PAXIP1: variants seen among roughly 807,000 people sequenced by gnomAD.
PAXIP1 encodes PAX-interacting protein 1.
Under a neutral mutation model 140.6 loss-of-function variants are expected in PAXIP1, and 19 were observed. That is an observed-to-expected ratio of 0.14 (90% CI 0.09 to 0.20). The LOEUF (loss-of-function observed/expected upper bound fraction) is 0.20, where lower values mean the gene tolerates loss of function less well. Among genes scored for constraint, PAXIP1 ranks in the 10% least tolerant of loss-of-function variants. The pLI is 1.00. For missense variants in PAXIP1, 920 were observed against 1,208.6 expected, an observed-to-expected ratio of 0.76 and a Z score of 3.54; for synonymous variants, 442 against 444.6, an observed-to-expected ratio of 0.99 and a Z score of 0.07.
intron 12 of PAXIP1, among the ~76,000 whole-genome samples, 200 bp downstream of exon 12, chr7:154,960,693 A>G (rs900651339): frequency 2.0e-5 from 3 of 151,944 alleles, no homozygotes; most frequent in Non-Finnish European, 4.4e-5. Flanking sequence ...AAACAAAAAC[A>G]AAAACAAAAA....
At chr7:154,955,400 T>A in intron 15 of PAXIP1, 129 bp downstream of exon 15, 1 of 612,910 alleles carries the variant, frequency 1.6e-6, no homozygotes, top group South Asian at 2.0e-5. Context: ...AAATACTTCA[T>A]AAATATGCAC....
chr7:154,964,326 C>G (rs1459563211), intron 8 of PAXIP1: 1 of 152,898 alleles, frequency 6.5e-6, no homozygotes, highest in Non-Finnish European at 1.5e-5. Context: ...CGGGCTGTGA[C>G]AGCTGCACGA....
intron 8 of PAXIP1, 78 bp downstream of exon 8, chr7:154,967,738 C>T (rs1297232713): frequency 2.1e-6 from 2 of 954,892 alleles, no homozygotes; most frequent in East Asian, 5.0e-5. Flanking sequence ...GTGAATGCAG[C>T]TAAGTGAACA....
chr7:154,979,842 A>G (rs1809762307), intron 5 of PAXIP1, among the ~76,000 whole-genome samples: 1 of 152,178 alleles, frequency 6.6e-6, no homozygotes, highest in Non-Finnish European at 1.5e-5. Context: ...AGAAGGGTGC[A>G]TGGCCTACCA....
chr7:154,960,153 T>C (rs1348823403), intron 12 of PAXIP1, among the ~76,000 whole-genome samples: 1 of 152,236 alleles, frequency 6.6e-6, no homozygotes, highest in Non-Finnish European at 1.5e-5. Context: ...CTGGATGAAG[T>C]AGCACTAAGA....
At chr7:154,988,704 A>T (rs1392217389) in intron 4 of PAXIP1, among the ~76,000 whole-genome samples, 1 of 152,186 alleles carries the variant, frequency 6.6e-6, no homozygotes, top group Non-Finnish European at 1.5e-5. Context: ...TCCCTGTCCC[A>T]AACTCAGCGT....
At chr7:154,960,662 C>T (rs898130031) in intron 12 of PAXIP1, among the ~76,000 whole-genome samples, 3 of 151,944 alleles carry the variant, frequency 2.0e-5, no homozygotes, top group Admixed American at 1.3e-4. Flanking sequence ...GGTGACAAAG[C>T]GAGACCCTGT....
chr7:154,985,622 A>G lies in PAXIP1; in HGVS notation c.325-2290T>C, dbSNP rs149177771. Among the ~76,000 whole-genome samples, 194 of 152,262 alleles carry G rather than the reference A, an allele frequency of 1.3e-3. 1 individual carries two copies. Among genetic ancestry groups the G allele is most frequent in the African/African-American group, 4.5e-3 (186 of 41,536 alleles). ...CTTGCTTATCTGTCCTCCCAGCTAT[A>G]CTCCAAAGCAACCAGGAGCAGAGGA... On this transcript the variant is annotated intron_variant, in intron 4 of 20. Transcript: ENST00000404141.
rs1808431836 is a variant in PAXIP1 at position 154,954,747 on chromosome 7, A to T, written c.2653-324T>A. 6.6e-6 allele frequency among the ~76,000 whole-genome samples: 1 copy of T among 152,240 alleles called. No homozygotes were observed. Among genetic ancestry groups the T allele is most frequent in the African/African-American group, 2.4e-5 (1 of 41,468 alleles). On this transcript the variant is annotated intron_variant, in intron 15 of 20. Transcript: ENST00000404141. The surrounding 1 kb of genome is among the most constrained non-coding windows in gnomAD (Gnocchi z 5.1). ...TGCAGCTCACTTCACAATGAAGAGT[A>T]AACAGCCAAGACTTCCTAGGCCAAA... is the stretch of plus-strand genomic sequence containing the variant.
At chr7:154,972,553 C>A (rs544870947) in intron 6 of PAXIP1, among the ~76,000 whole-genome samples, 1 of 152,300 alleles carries the variant, frequency 6.6e-6, no homozygotes, top group East Asian at 1.9e-4. Context: ...CTGACCAACA[C>A]TTTTTGACAC....
At chr7:154,994,237 T>C (rs1339196375) in intron 2 of PAXIP1, among the ~76,000 whole-genome samples, 1 of 152,252 alleles carries the variant, frequency 6.6e-6, no homozygotes, top group Non-Finnish European at 1.5e-5. Context: ...AATATTTTTA[T>C]AAATTCTAAA....
At chr7:154,965,552 G>A (rs1277244016) in intron 8 of PAXIP1, 2 of 152,312 alleles carry the variant, frequency 1.3e-5, no homozygotes, top group Non-Finnish European at 2.9e-5. Context: ...AGTAAGACCA[G>A]CCCCTCCTGT....
intron 5 of PAXIP1, among the ~76,000 whole-genome samples, chr7:154,980,353 C>T (rs1051734795): frequency 2.0e-4 from 30 of 151,650 alleles, no homozygotes; most frequent in Non-Finnish European, 3.5e-4. Context: ...CTTTTTTTCG[C>T]AGCCGCTATA....
chr7:154,994,761 T>C (rs1228964582), intron 2 of PAXIP1, among the ~76,000 whole-genome samples: 1 of 152,214 alleles, frequency 6.6e-6, no homozygotes, highest in Non-Finnish European at 1.5e-5. Flanking sequence ...ATTAAACATT[T>C]TATAAAATAA....
At chr7:154,975,461 T>C (rs1346004033) in intron 6 of PAXIP1, among the ~76,000 whole-genome samples, 1 of 152,186 alleles carries the variant, frequency 6.6e-6, no homozygotes, top group African/African-American at 2.4e-5. Flanking sequence ...CTGCTTTAAA[T>C]CTTCAACTTA....
At chr7:154,972,214 C>T (rs1249480655) in intron 6 of PAXIP1, among the ~76,000 whole-genome samples, 1 of 152,192 alleles carries the variant, frequency 6.6e-6, no homozygotes, top group Non-Finnish European at 1.5e-5. Flanking sequence ...AGGCCAGGCA[C>T]GGTGGCTCAC....
rs527976514 is a variant in PAXIP1, at chr7:155,002,818, G to A, written c.81+31C>T. 29 of 1,291,852 alleles carry A rather than the reference G, an allele frequency of 2.2e-5. No individual in the cohort carries two copies. The East Asian group carries it at 9.1e-4, about 41-fold the overall frequency. The allele number at this position is 1,291,852 out of a possible 1,614,324, so 80.0% of individuals were successfully genotyped here. On this transcript the variant is annotated intron_variant, in intron 1 of 20. Transcript: ENST00000404141. ...GGGACGGACGGGGACGCGGACGGGG[G>A]AGGAGGCCGCGGCAGGGGCGGGCGC...
At chr7:154,967,728 G>T in intron 8 of PAXIP1, 88 bp downstream of exon 8, 1 of 862,876 alleles carries the variant, frequency 1.2e-6, no homozygotes, top group Non-Finnish European at 1.9e-6. Flanking sequence ...GTGCAGCTCA[G>T]TGAATGCAGC....
At chr7:154,977,993 A>AATGTACATTTTC (rs1585067726) in intron 5 of PAXIP1, among the ~76,000 whole-genome samples, 15 of 129,270 alleles carry the variant, frequency 1.2e-4, no homozygotes, top group African/African-American at 6.3e-4. Context: ...AGACCAAATT[A>AATGTACATTTTC]GAGACTAGTG....
Sources: gnomAD v4.1 joint callset for allele counts (sites outside exome capture counted in the v4.1 genomes callset) on GRCh38, gnomAD v4.1.1 for gene constraint, Gnocchi (gnomAD v3.1) non-coding constraint, MANE v1.5 for transcripts, NCBI Gene and HGNC (gene_info 2026-07-23, HGNC 2026-07-21) for gene names.